Variants in PACSIN1 observed in about 807,000 individuals in gnomAD.
PACSIN1 encodes the protein protein kinase C and casein kinase substrate in neurons 1, also known as protein kinase C and casein kinase substrate in neurons protein 1.
A neutral mutation model predicts 59.5 loss-of-function variants in PACSIN1; 15 were observed. The ratio of observed to expected loss-of-function variants is 0.25; its 90% CI spans 0.17 to 0.39. PACSIN1 has a LOEUF of 0.39. Among genes scored for constraint, PACSIN1 ranks in the 10% least tolerant of loss-of-function variants. The pLI is 1.00. For missense variants in PACSIN1, 420 were observed against 580.2 expected, an observed-to-expected ratio of 0.72 and a Z score of 2.84; for synonymous variants, 210 against 220.6, an observed-to-expected ratio of 0.95 and a Z score of 0.42.
intron 1 of PACSIN1, among the ~76,000 whole-genome samples, chr6:34,504,993 A>G (rs956351237): frequency 6.6e-6 from 1 of 151,176 alleles, no homozygotes; most frequent in Non-Finnish European, 1.5e-5. Context: ...TATTATTATT[A>G]TTATTATTTT....
intron 3 of PACSIN1, among the ~76,000 whole-genome samples, 172 bp from the exon 4 acceptor site, chr6:34,528,470 G>C (rs1296030455): frequency 3.3e-5 from 5 of 152,204 alleles, no homozygotes; most frequent in Admixed American, 1.3e-4. Flanking sequence ...GTCAGGGAAG[G>C]CTTCCTGGAG....
chr6:34,488,876 G>A lies in PACSIN1; in HGVS notation c.-64+22606G>A, dbSNP rs1405176917. ...CACCCGGCCTATTATTTTTTAAAGT[G>A]ACAAATAAAAATTGACTATATTGGC... On this transcript the variant is annotated intron_variant, in intron 1 of 9. Transcript: ENST00000244458. The surrounding 1 kb of genome is among the most constrained non-coding windows in gnomAD (Gnocchi z 4.7). Among the ~76,000 whole-genome samples the A allele has an allele frequency of 2.6e-5, 4 of 151,784 alleles. No individual in the cohort carries two copies. Among genetic ancestry groups the A allele is most frequent in the African/African-American group, 9.7e-5 (4 of 41,328 alleles).
At chr6:34,506,734 G>A (rs1413070111) in intron 1 of PACSIN1, among the ~76,000 whole-genome samples, 1 of 152,190 alleles carries the variant, frequency 6.6e-6, no homozygotes, top group Non-Finnish European at 1.5e-5. Context: ...TCTGGCACCA[G>A]TGATCCCTCC....
chr6:34,491,705 G>A (rs911499915), intron 1 of PACSIN1, among the ~76,000 whole-genome samples: 3 of 151,630 alleles, frequency 2.0e-5, no homozygotes, highest in African/African-American at 7.3e-5. Flanking sequence ...TCCGCCTCCT[G>A]GATTCAAGTG....
At chr6:34,468,946 G>A (rs983047851) in intron 1 of PACSIN1, among the ~76,000 whole-genome samples, 1 of 152,186 alleles carries the variant, frequency 6.6e-6, no homozygotes, top group Non-Finnish European at 1.5e-5. Flanking sequence ...ACCAATATCA[G>A]GACATATTTT....
At chr6:34,519,168 G>A in intron 1 of PACSIN1, among the ~76,000 whole-genome samples, 1 of 152,140 alleles carries the variant, frequency 6.6e-6, no homozygotes, top group South Asian at 2.1e-4. Context: ...AGGCTCGCCT[G>A]TTCTCACAGG....
intron 1 of PACSIN1, among the ~76,000 whole-genome samples, chr6:34,478,369 C>CTT (rs35124068): frequency 4.7e-4 from 32 of 67,860 alleles, no homozygotes; most frequent in African/African-American, 9.4e-4. Context: ...TATTTATCTT[C>CTT]TTTTTTTTTT....
intron 1 of PACSIN1, among the ~76,000 whole-genome samples, chr6:34,469,549 C>T (rs1346539848): frequency 6.6e-6 from 1 of 152,196 alleles, no homozygotes; most frequent in African/African-American, 2.4e-5. Flanking sequence ...GACTCTGATG[C>T]AGCCCAACAG....
At chr6:34,472,567 A>C (rs1766586837) in intron 1 of PACSIN1, among the ~76,000 whole-genome samples, 1 of 152,258 alleles carries the variant, frequency 6.6e-6, no homozygotes, top group South Asian at 2.1e-4. Flanking sequence ...TTTCTTAGAA[A>C]CCTAAAAAAA....
At position 34,516,697 on chromosome 6, in the gene PACSIN1, C is replaced by T. The variant is rs368933966; in HGVS notation, c.-63-9546C>T. ...GCCCCTGGCCTGCCTCCTCTAGGCC[C>T]GGGCCCCTCCCTGTCAGGTTGCTGC... On this transcript the variant is annotated intron_variant, in intron 1 of 9. Transcript: ENST00000244458. The surrounding 1 kb of genome is among the most constrained non-coding windows in gnomAD (Gnocchi z 5.4). 4.6e-5 allele frequency among the ~76,000 whole-genome samples: 7 copies of T among 152,140 alleles called. No individual in the cohort carries two copies. Among genetic ancestry groups the T allele is most frequent in the South Asian group, 4.1e-4 (2 of 4,832 alleles).
intron 1 of PACSIN1, among the ~76,000 whole-genome samples, chr6:34,499,011 C>A (rs1328969597): frequency 6.6e-6 from 1 of 151,844 alleles, no homozygotes; most frequent in East Asian, 1.9e-4. Context: ...GATTCAAGCA[C>A]ATTACAATTA....
intron 1 of PACSIN1, among the ~76,000 whole-genome samples, chr6:34,472,176 G>C (rs1766580095): frequency 6.6e-6 from 1 of 150,902 alleles, no homozygotes; most frequent in South Asian, 2.1e-4. Context: ...GGAGGCTGAG[G>C]CAGGAGAATC....
chr6:34,484,543 A>G (rs1022300460), intron 1 of PACSIN1, among the ~76,000 whole-genome samples: 28 of 152,234 alleles, frequency 1.8e-4, no homozygotes, highest in African/African-American at 5.8e-4. Context: ...TGTCATCAAC[A>G]TGAGTCAAAA....
At chr6:34,528,933 T>A in intron 4 of PACSIN1, 56 bp downstream of exon 4, 1 of 1,316,098 alleles carries the variant, frequency 7.6e-7, no homozygotes, top group Non-Finnish European at 1.1e-6. Context: ...GATCAGAGGG[T>A]GCTGATCCCA....
At chr6:34,466,389 A>T (rs1766496954) in intron 1 of PACSIN1, 119 bp downstream of exon 1, 1 of 152,320 alleles carries the variant, frequency 6.6e-6, no homozygotes, top group Non-Finnish European at 1.5e-5. Context: ...GAGCCCGGGC[A>T]GGGTTGGGCA....
chr6:34,467,260 T>A (rs1766509378), intron 1 of PACSIN1, among the ~76,000 whole-genome samples: 2 of 152,218 alleles, frequency 1.3e-5, no homozygotes, highest in African/African-American at 4.8e-5. Flanking sequence ...CCCTATGTTC[T>A]TGGACTGCCT....
At chr6:34,475,304 AT>A (rs529318645) in intron 1 of PACSIN1, among the ~76,000 whole-genome samples, 5 of 131,434 alleles carry the variant, frequency 3.8e-5, no homozygotes, top group Non-Finnish European at 6.8e-5. Context: ...GTTTCCTAAA[AT>A]TAAAAAAAAA....
intron 1 of PACSIN1, among the ~76,000 whole-genome samples, chr6:34,508,729 G>A (rs1256551621): frequency 6.6e-6 from 1 of 152,150 alleles, no homozygotes; most frequent in African/African-American, 2.4e-5. Flanking sequence ...ACAGGTATGA[G>A]GTGATATCTC....
At position 34,518,134 on chromosome 6, in the gene PACSIN1, C is replaced by T. The variant is rs1253371023; in HGVS notation, c.-63-8109C>T. On this transcript the variant is annotated intron_variant, in intron 1 of 9. Coordinates refer to ENST00000244458, the MANE Select transcript of PACSIN1 (RefSeq NM_020804.5). This position sits in a 1 kb window ranked among gnomAD's most constrained non-coding sequence, Gnocchi z 4.4. ...CAGCTGTGACCAGAGCTGCTCTGCC[C>T]GGCCAGGCCCCGGAAGAGGGCAAGC... Among the ~76,000 whole-genome samples, 5 of 152,362 alleles carry T rather than the reference C, an allele frequency of 3.3e-5. No homozygotes were observed. Among genetic ancestry groups the T allele is most frequent in the South Asian group, 2.1e-4 (1 of 4,832 alleles).
Sources: gnomAD v4.1 joint callset for allele counts (sites outside exome capture counted in the v4.1 genomes callset) on GRCh38, gnomAD v4.1.1 for gene constraint, Gnocchi (gnomAD v3.1) non-coding constraint, MANE v1.5 for transcripts, NCBI Gene and HGNC (gene_info 2026-07-23, HGNC 2026-07-21) for gene names.